Variants in KMT5A observed in about 807,000 individuals in gnomAD.
The protein encoded by KMT5A is lysine methyltransferase 5A, also known as N-lysine methyltransferase KMT5A.
A neutral mutation model predicts 40.6 loss-of-function variants in KMT5A; 6 were observed. That is an observed-to-expected ratio of 0.15 (90% CI 0.08 to 0.29). KMT5A has a LOEUF of 0.29. Ranked by LOEUF, KMT5A falls within the 10% of genes least tolerant of loss-of-function variation. KMT5A has a pLI of 1.00. For missense variants in KMT5A, 308 were observed against 459.1 expected (o/e 0.67, Z 3.01); for synonymous variants, 153 against 178.8 (o/e 0.86, Z 1.15).
chr12:123,386,661 C>T (rs1340806949), intron 1 of KMT5A, among the ~76,000 whole-genome samples: 1 of 152,162 alleles, frequency 6.6e-6, no homozygotes, highest in Non-Finnish European at 1.5e-5. Context: ...CCAGGCAACA[C>T]CTCACTCATT....
rs1196748769 is a variant in KMT5A at position 123,405,096 on chromosome 12, G to GAAA, written c.848+22_848+23insAAA. ...ACTGGTGAGTCCACTGTTGCTTAGA[G>GAAA]TGGCTTTTCTGTCCTCTGGGCAGTG... On this transcript the variant is annotated intron_variant, in intron 7 of 7. Transcript: ENST00000402868. 6.3e-6 allele frequency: 10 copies of GAAA among 1,592,118 alleles called. No individual in the cohort carries two copies. The East Asian group carries it at 1.8e-4, about 29-fold the overall frequency.
chr12:123,398,855 T>C (rs1274312318), intron 5 of KMT5A, among the ~76,000 whole-genome samples: 4 of 152,124 alleles, frequency 2.6e-5, no homozygotes, highest in Non-Finnish European at 5.9e-5. Context: ...TCCAGGAGGG[T>C]GGGGCATAAT....
chr12:123,398,399 G>A (rs1252935803), intron 5 of KMT5A, among the ~76,000 whole-genome samples: 1 of 152,164 alleles, frequency 6.6e-6, no homozygotes, highest in South Asian at 2.1e-4. Context: ...TCTGCTGAGC[G>A]TCCACCAAGG....
intron 7 of KMT5A, 118 bp downstream of exon 7, chr12:123,405,192 C>CTTT: frequency 3.6e-6 from 3 of 839,282 alleles, no homozygotes; most frequent in Middle Eastern, 3.3e-4. Context: ...TTGTTGTTGA[C>CTTT]TTTTTTTTTT....
intron 3 of KMT5A, 74 bp from the exon 4 acceptor site, chr12:123,394,973 A>C: frequency 7.5e-7 from 1 of 1,339,064 alleles, no homozygotes; most frequent in South Asian, 1.3e-5. Context: ...AGCTTGTCTT[A>C]GAATGCAGCT....
In KMT5A at chr12:123,390,647, G is replaced by T; in HGVS notation, c.150G>T (p.Gly50=). 1 of 1,613,782 alleles carries T rather than the reference G, an allele frequency of 6.2e-7. No homozygotes were observed. The highest frequency in any genetic ancestry group is 8.5e-7 in the Non-Finnish European group (1 of 1,179,816). ...CTTTTTAGGAGAACGTATTTACCGG[G>T]CAGTCAAAGATCTATTCCTACATGA... ...PRTDGENVFT[G]QSKIYSYMSP... Residue 50 remains glycine (G), a synonymous_variant, in exon 3 of 8, where the codon GGG becomes GGT. Transcript: ENST00000402868.
At chr12:123,398,594 T>G (rs1281249761) in intron 5 of KMT5A, among the ~76,000 whole-genome samples, 2 of 152,194 alleles carry the variant, frequency 1.3e-5, no homozygotes, top group Admixed American at 6.5e-5. Context: ...ACAAGAAAGC[T>G]CGCCCTGTTC....
chr12:123,394,355 G>A (rs369633689), intron 3 of KMT5A, among the ~76,000 whole-genome samples: 6 of 151,986 alleles, frequency 3.9e-5, no homozygotes, highest in East Asian at 3.9e-4. Context: ...CGCCAGCCTC[G>A]GCTTCCCAAA....
chr12:123,391,978 C>T (rs1877349825), intron 3 of KMT5A, among the ~76,000 whole-genome samples: 1 of 152,214 alleles, frequency 6.6e-6, no homozygotes, highest in Non-Finnish European at 1.5e-5. Flanking sequence ...GGGTTCCAAT[C>T]TTAAGTTTGC....
intron 5 of KMT5A, among the ~76,000 whole-genome samples, chr12:123,403,055 C>T (rs910132419): frequency 3.9e-5 from 6 of 152,190 alleles, no homozygotes; most frequent in African/African-American, 1.2e-4. Flanking sequence ...ACTACAGGCT[C>T]CTACCACACC....
At chr12:123,401,145 T>G (rs1376240851) in intron 5 of KMT5A, among the ~76,000 whole-genome samples, 5 of 2,720 alleles carry the variant, frequency 1.8e-3, no homozygotes, top group Non-Finnish European at 3.7e-3. Context: ...TATATCTTTC[T>G]TTTTTTTTTT....
chr12:123,400,878 G>A (rs1258035004), intron 5 of KMT5A, among the ~76,000 whole-genome samples: 4 of 151,926 alleles, frequency 2.6e-5, no homozygotes, highest in Non-Finnish European at 5.9e-5. Flanking sequence ...ACAGTGGCAT[G>A]ATTATGGCTT....
At chr12:123,396,518 C>A in intron 5 of KMT5A, 86 bp downstream of exon 5, 1 of 1,288,058 alleles carries the variant, frequency 7.8e-7, no homozygotes, top group Non-Finnish European at 1.1e-6. Flanking sequence ...TGTGTGTCCT[C>A]AGCCTTGTTT....
At chr12:123,397,862 T>G (rs540445380) in intron 5 of KMT5A, among the ~76,000 whole-genome samples, 1 of 151,212 alleles carries the variant, frequency 6.6e-6, no homozygotes, top group South Asian at 2.1e-4. Context: ...TAGTGGAGAT[T>G]GGATTTGTCC....
Position 123,408,586 on chromosome 12 carries a change from T to A in KMT5A, c.*883T>A, listed in dbSNP as rs1469971961. ...GGCTGCTTTTTTTTTTTTTTTTTTT[T>A]GCTTTTTTTTGCTTTTTGTAGAAGA... On this transcript the variant is annotated 3_prime_UTR_variant, in exon 8 of 8. Transcript: ENST00000402868. The A allele has an allele frequency of 8.0e-4, 107 of 133,774 alleles. No individual in the cohort carries two copies. Among genetic ancestry groups the A allele is most frequent in the African/African-American group, 3.1e-3 (102 of 32,906 alleles). 8.3% of individuals were successfully genotyped at this position (133,774 alleles called of 1,614,324 possible). A position where few individuals can be genotyped will look rare whatever the true frequency, so the allele number is the denominator to read the frequency against.
At chr12:123,394,944 C>A in intron 3 of KMT5A, 103 bp from the exon 4 acceptor site, 1 of 1,120,128 alleles carries the variant, frequency 8.9e-7, no homozygotes, top group Non-Finnish European at 1.3e-6. Flanking sequence ...CTGACAAACC[C>A]AGGATCCTGT....
At position 123,405,217 on chromosome 12, in the gene KMT5A, G is replaced by A. The variant is rs1223870742; in HGVS notation, c.848+143G>A. Reference sequence around the variant, plus strand: ...CTTTTTTTTTTTTATTTTTTGAGATGGAGTCTTGCTCTGTTGCCCAGGCTG... The same window carrying A: ...CTTTTTTTTTTTTATTTTTTGAGATAGAGTCTTGCTCTGTTGCCCAGGCTG... On this transcript the variant is annotated intron_variant, in intron 7 of 7. Coordinates refer to ENST00000402868, the MANE Select transcript of KMT5A (RefSeq NM_020382.7). 5.9e-6 allele frequency: 5 copies of A among 843,226 alleles called. No individual in the cohort carries two copies. In the African/African-American group the frequency reaches 8.7e-5, roughly 15 times the overall value. 52.2% of individuals were successfully genotyped at this position (843,226 alleles called of 1,614,324 possible).
At position 123,409,221 on chromosome 12, in the gene KMT5A, A is replaced by T. The variant is rs916556997; in HGVS notation, c.*1518A>T. On this transcript the variant is annotated 3_prime_UTR_variant, in exon 8 of 8. Transcript: ENST00000402868. ...GCAAATTGGAAGAGGATCCGATGGG[A>T]GTGTAAATGTGAGACACAATGTCTT... The T allele has an allele frequency of 7.2e-5, 11 of 151,896 alleles. No individual in the cohort carries two copies. Among genetic ancestry groups the T allele is most frequent in the African/African-American group, 2.7e-4 (11 of 41,280 alleles). 9.4% of individuals were successfully genotyped at this position (151,896 alleles called of 1,614,324 possible). A position where few individuals can be genotyped will look rare whatever the true frequency, so the allele number is the denominator to read the frequency against.
intron 6 of KMT5A, among the ~76,000 whole-genome samples, chr12:123,403,911 A>G (rs556627956): frequency 1.1e-4 from 17 of 152,326 alleles, no homozygotes; most frequent in African/African-American, 3.8e-4. Context: ...TACATTCACA[A>G]TGCAATGCAA....
Sources: allele counts gnomAD v4.1 joint callset (sites outside exome capture counted in the v4.1 genomes callset), GRCh38; gene constraint gnomAD v4.1.1; transcripts MANE v1.5; gene names NCBI Gene and HGNC (gene_info 2026-07-23, HGNC 2026-07-21).